Variants in BAIAP3 observed in about 807,000 individuals in gnomAD.
BAIAP3 encodes the protein BAI1-associated protein 3.
In BAIAP3, 180 loss-of-function variants were observed where a neutral mutation model predicts 149.7. The ratio of observed to expected loss-of-function variants is 1.20; its 90% CI spans 1.07 to 1.36. BAIAP3 has a LOEUF of 1.36. Among genes scored for constraint, BAIAP3 ranks in the 40% most tolerant of loss-of-function variants. BAIAP3 has a pLI of 0.00. For synonymous variants in BAIAP3, 845 were observed against 670.7 expected, an observed-to-expected ratio of 1.26 and a Z score of -4.02; for missense variants, 1,767 against 1,563.4, an observed-to-expected ratio of 1.13 and a Z score of -2.20.
Position 1,344,090 on chromosome 16 carries a change from A to G in BAIAP3, c.1455A>G (p.Arg485=). ...EFGLQLLRQL[R]DYFPATNSTA... is the part of the protein sequence containing the mutation. ...GGCTGCAGCTGCTGCGCCAGCTCCGAGACTACTTCCCTGCCACCAACAGCA... is the reference window on the plus strand; with the variant it reads ...GGCTGCAGCTGCTGCGCCAGCTCCGGGACTACTTCCCTGCCACCAACAGCA... The change falls in exon 16 of 34, where the codon CGA becomes CGG. Residue 485 remains arginine, a synonymous_variant. Transcript: ENST00000426824. 1 of 1,612,162 alleles carries G rather than the reference A, an allele frequency of 6.2e-7. No individual in the cohort carries two copies.
intron 2 of BAIAP3, 88 bp from the exon 3 acceptor site, chr16:1,338,814 C>A: frequency 6.3e-7 from 1 of 1,590,320 alleles, no homozygotes; most frequent in Non-Finnish European, 8.6e-7. Flanking sequence ...CTGTGGATGT[C>A]ACATGGCCCT....
chr16:1,347,055 G>C (rs904536585), intron 28 of BAIAP3, 100 bp downstream of exon 28: 1 of 1,168,368 alleles, frequency 8.6e-7, no homozygotes, highest in Non-Finnish European at 1.2e-6. Context: ...CCTGTGGCTG[G>C]AGAGCAGCCA....
Position 1,342,080 on chromosome 16 carries a change from C to A in BAIAP3, c.854+17C>A. On this transcript the variant is annotated intron_variant, in intron 10 of 33. Coordinates refer to ENST00000426824, the MANE Select transcript of BAIAP3 (RefSeq NM_001199097.2). The stretch of plus-strand genomic sequence containing the variant: ...CATGGGCAGGTATGACTGCTGGGAC[C>A]TTTCTACCCATCACCCGTGCCCTCA... The A allele has an allele frequency of 6.3e-7, 1 of 1,588,148 alleles. No individual in the cohort carries two copies. The highest frequency in any genetic ancestry group is 8.6e-7 in the Non-Finnish European group (1 of 1,166,560).
chr16:1,339,912 A>G (rs567001928), intron 5 of BAIAP3, among the ~76,000 whole-genome samples: 1 of 148,766 alleles, frequency 6.7e-6, no homozygotes, highest in South Asian at 2.1e-4. Flanking sequence ...AGACACGCAC[A>G]CAGGCTGCAG....
chr16:1,345,435 C>G, intron 22 of BAIAP3, 63 bp downstream of exon 22: 1 of 1,499,036 alleles, frequency 6.7e-7, no homozygotes, highest in Non-Finnish European at 8.9e-7. Flanking sequence ...CCCCCGCCTC[C>G]CCAGCAACCC....
At position 1,346,656 on chromosome 16, in the gene BAIAP3, G is replaced by A. The variant is rs1470351500; in HGVS notation, c.2614G>A (p.Ala872Thr). 1.9e-5 allele frequency: 26 copies of A among 1,394,424 alleles called. No homozygotes were observed. Among genetic ancestry groups the A allele is most frequent in the African/African-American group, 1.1e-4 (7 of 64,570 alleles). The allele number at this position is 1,394,424 out of a possible 1,614,324, so 86.4% of individuals were successfully genotyped here. ...GGATGAGAAGCTGGCCCTGCTGAAC[G>A]CCTCGCTGGTGAAGGGGAACCTGAG... ...YLDEKLALLN[A>T]SLVKGNLSRV... is the part of the protein sequence containing the mutation. Residue 872 changes from alanine to threonine, a missense_variant, in exon 27 of 34, where the codon GCC (alanine) becomes ACC (threonine). By Grantham distance (58) the Ala-to-Thr change is moderately conservative (BLOSUM62 0). Transcript: ENST00000426824.
chr16:1,348,237 G>C lies in BAIAP3; in HGVS notation c.3291G>C (p.Gln1097His), dbSNP rs376869677. 2.2e-5 allele frequency: 35 copies of C among 1,605,308 alleles called. No individual in the cohort carries two copies. In the African/African-American group the frequency reaches 3.7e-4, roughly 17 times the overall value. Residue 1097 changes from glutamine (Q) to histidine (H), a missense_variant, in exon 33 of 34, where the codon CAG becomes CAC. Gln to His is a conservative substitution (Grantham distance 24). Transcript: ENST00000426824. ...GCGTCACTGGTGTCGCCCGGCCCCA[G>C]GTGGGCGGGGGTGCAAGGGCTGGGC... ...LGGVTGVARP[Q>H]VGGGARAGQP... is the part of the protein sequence containing the mutation.
chr16:1,335,383 G>T (rs185140528), intron 1 of BAIAP3, among the ~76,000 whole-genome samples: 1 of 152,278 alleles, frequency 6.6e-6, no homozygotes, highest in East Asian at 1.9e-4. Context: ...AGTATGGGGG[G>T]GTTCATCCTG....
rs142201957 is a variant in BAIAP3 at position 1,346,909 on chromosome 16, G to A, written c.2705G>A (p.Arg902His). 46 of 1,611,188 alleles carry A rather than the reference G, an allele frequency of 2.9e-5. No individual in the cohort carries two copies. Among genetic ancestry groups the A allele is most frequent in the East Asian group, 1.1e-4 (5 of 44,838 alleles). The change falls in exon 28 of 34, where the codon CGT becomes CAT. Residue 902 changes from arginine (R) to histidine (H), a missense_variant. Coordinates refer to ENST00000426824, the MANE Select transcript of BAIAP3 (RefSeq NM_001199097.2). Reference sequence around the variant, plus strand: ...ATTCTGCAGGCGCTGGGTGCAAACCGTGACGTCTCTGCTGATTTCTACAGC... The same window carrying A: ...ATTCTGCAGGCGCTGGGTGCAAACCATGACGTCTCTGCTGATTTCTACAGC... ...QAILQALGAN[R>H]DVSADFYSRF...
At position 1,344,435 on chromosome 16, in the gene BAIAP3, A is replaced by G. The variant is rs769114462; in HGVS notation, c.1603-34A>G. 6.2e-7 allele frequency: 1 copy of G among 1,612,152 alleles called. No homozygotes were observed. Among genetic ancestry groups the G allele is most frequent in the East Asian group, 2.2e-5 (1 of 44,840 alleles). On this transcript the variant is annotated intron_variant, in intron 17 of 33. Transcript: ENST00000426824. Reference sequence around the variant, plus strand: ...TGCCCACCTCTTCCTCTTCCCTGCAATCCACCATGCTGTCTTGGTGGTGTC... The same window carrying G: ...TGCCCACCTCTTCCTCTTCCCTGCAGTCCACCATGCTGTCTTGGTGGTGTC...
chr16:1,346,114 G>A (rs2034341664), intron 24 of BAIAP3, 36 bp downstream of exon 24: 4 of 1,605,520 alleles, frequency 2.5e-6, no homozygotes, highest in Non-Finnish European at 3.4e-6. Flanking sequence ...CCGGCAGGAG[G>A]TGGGGGGCCA....
In BAIAP3 at chr16:1,346,917, TCTG is replaced by T; in HGVS notation, c.2717_2719del (p.Ala906del). Reference sequence around the variant, plus strand: ...GGCGCTGGGTGCAAACCGTGACGTCTCTGCTGATTTCTACAGCCGCTTCCATTT... The same window carrying T: ...GGCGCTGGGTGCAAACCGTGACGTCTCTGATTTCTACAGCCGCTTCCATTT... On this transcript the variant is annotated inframe_deletion, in exon 28 of 34. Coordinates refer to ENST00000426824, the MANE Select transcript of BAIAP3 (RefSeq NM_001199097.2). 1.9e-6 allele frequency: 3 copies of T among 1,611,618 alleles called. No homozygotes were observed. The highest frequency in any genetic ancestry group is 1.1e-5 in the South Asian group (1 of 90,928).
At chr16:1,340,385 AGGTTG>A (rs1435911147) in intron 5 of BAIAP3, among the ~76,000 whole-genome samples, 12 of 135,358 alleles carry the variant, frequency 8.9e-5, no homozygotes, top group Non-Finnish European at 1.2e-4. Flanking sequence ...ACACGCACAC[AGGTTG>A]CAGGTGCACA....
At chr16:1,342,843 C>A (rs1447603712) in intron 13 of BAIAP3, 29 bp downstream of exon 13, 2 of 1,612,414 alleles carry the variant, frequency 1.2e-6, no homozygotes, top group Non-Finnish European at 1.7e-6. Flanking sequence ...ATTGGAACAG[C>A]CCGGCAGGGG....
At chr16:1,346,769 T>C in intron 27 of BAIAP3, 78 bp from the exon 28 acceptor site, 3 of 1,528,056 alleles carry the variant, frequency 2.0e-6, no homozygotes, top group Non-Finnish European at 2.6e-6. Flanking sequence ...CTGTGGGAGC[T>C]ACTCCTCCAG....
chr16:1,338,252 A>G (rs942871422), intron 1 of BAIAP3, among the ~76,000 whole-genome samples: 4 of 152,030 alleles, frequency 2.6e-5, no homozygotes, highest in African/African-American at 9.7e-5. Flanking sequence ...TAAGTCCCTG[A>G]TGGACCCCCA....
In BAIAP3 at chr16:1,343,070, G is replaced by T. The variant is rs1596575783; in HGVS notation, c.1265+54G>T. The stretch of plus-strand genomic sequence containing the variant: ...GGAATGTGGGCGGGCGTGAGCGAGT[G>T]GGGCATCGGGGGCCATGCGGTGAGT... On this transcript the variant is annotated intron_variant, in intron 14 of 33. Coordinates refer to ENST00000426824, the MANE Select transcript of BAIAP3 (RefSeq NM_001199097.2). The T allele has an allele frequency of 7.3e-6, 11 of 1,506,258 alleles. No homozygotes were observed. In the East Asian group the frequency reaches 2.6e-4, roughly 35 times the overall value. The allele number at this position is 1,506,258 out of a possible 1,614,324, so 93.3% of individuals were successfully genotyped here. A position where few individuals can be genotyped will look rare whatever the true frequency, so the allele number is the denominator to read the frequency against.
At chr16:1,347,151 T>A (rs1265598372) in intron 28 of BAIAP3, 147 bp from the exon 29 acceptor site, 1 of 953,506 alleles carries the variant, frequency 1.0e-6, no homozygotes, top group African/African-American at 1.7e-5. Flanking sequence ...CCTGGGAGCT[T>A]CCGATGCCCG....
Position 1,344,952 on chromosome 16 carries a change from C to G in BAIAP3, c.1810-17C>G. On this transcript the variant is annotated splice_polypyrimidine_tract_variant and intron_variant, in intron 20 of 33. Coordinates refer to ENST00000426824, the MANE Select transcript of BAIAP3 (RefSeq NM_001199097.2). ...GATTCCTTGCTGCTGGAGGCCTGAT[C>G]CTGCTGTCCCGGACAGGTGGCTGAG... The G allele has an allele frequency of 1.2e-6, 2 of 1,613,372 alleles. No individual in the cohort carries two copies. Among genetic ancestry groups the G allele is most frequent in the Non-Finnish European group, 1.7e-6 (2 of 1,179,978 alleles).
Sources: gnomAD v4.1 joint callset for allele counts (sites outside exome capture counted in the v4.1 genomes callset) on GRCh38, gnomAD v4.1.1 for gene constraint, MANE v1.5 for transcripts, NCBI Gene and HGNC (gene_info 2026-07-23, HGNC 2026-07-21) for gene names.